PTPRN2: variants seen among roughly 807,000 people sequenced by gnomAD.
PTPRN2 encodes protein tyrosine phosphatase receptor type N2.
Under a neutral mutation model 118.8 loss-of-function variants are expected in PTPRN2, and 74 were observed. That is an observed-to-expected ratio of 0.62 (90% CI 0.52 to 0.76). The LOEUF is 0.76. Ranked by LOEUF, PTPRN2 falls within the 30% of genes least tolerant of loss-of-function variation. PTPRN2 has a pLI of 0.00. For missense variants in PTPRN2, 1,481 were observed against 1,394.4 expected (o/e 1.06, Z -0.99); for synonymous variants, 641 against 608.0 (o/e 1.05, Z -0.80).
intron 1 of PTPRN2, among the ~76,000 whole-genome samples, chr7:158,556,758 A>G (rs1452214613): frequency 7.2e-5 from 7 of 96,948 alleles, no homozygotes; most frequent in Admixed American, 5.3e-4. Flanking sequence ...GCGGCTCCCG[A>G]GCAGGTTGCT....
Position 157,771,826 on chromosome 7 carries a change from AAC to A in PTPRN2, c.1789-88891_1789-88890del, listed in dbSNP as rs767188709. 2.1e-5 allele frequency among the ~76,000 whole-genome samples: 3 copies of A among 141,366 alleles called. No homozygotes were observed. In the South Asian group the frequency reaches 6.5e-4, roughly 31 times the overall value. 92.7% of individuals were successfully genotyped at this position (141,366 alleles called of 152,430 possible). On this transcript the variant is annotated intron_variant, in intron 12 of 22. Coordinates refer to ENST00000389418, the MANE Select transcript of PTPRN2 (RefSeq NM_002847.5). The stretch of plus-strand genomic sequence containing the variant: ...ACAAACACACAGACACAGACACAGA[AAC>A]ACACAGACACAAGACACAAACAGAC...
rs1797593873 is a variant in PTPRN2, at chr7:157,903,619, T to C, written c.1724-4882A>G. On this transcript the variant is annotated intron_variant, in intron 11 of 22. Transcript: ENST00000389418. This position sits in a 1 kb window ranked among gnomAD's most constrained non-coding sequence, Gnocchi z 4.2. ...AAATCAGCGATTGAAGCAAACAACCTGAATTAGTGTTTGGTTTTTTCTTTT... is the reference window on the plus strand; with the variant it reads ...AAATCAGCGATTGAAGCAAACAACCCGAATTAGTGTTTGGTTTTTTCTTTT... 6.6e-6 allele frequency among the ~76,000 whole-genome samples: 1 copy of C among 151,240 alleles called. No homozygotes were observed. The highest frequency in any genetic ancestry group is 6.6e-5 in the Admixed American group (1 of 15,204).
intron 12 of PTPRN2, among the ~76,000 whole-genome samples, chr7:157,875,244 G>A (rs1005079419): frequency 6.6e-6 from 1 of 152,218 alleles, no homozygotes; most frequent in Non-Finnish European, 1.5e-5. Context: ...GGTCCAGACC[G>A]TGCTGTCCTG....
At chr7:158,336,443 C>T (rs1158178922) in intron 2 of PTPRN2, among the ~76,000 whole-genome samples, 1 of 104,458 alleles carries the variant, frequency 9.6e-6, no homozygotes, top group Non-Finnish European at 2.2e-5. Context: ...GTCACTCACA[C>T]CCACACATGT....
intron 2 of PTPRN2, among the ~76,000 whole-genome samples, chr7:158,418,030 G>A (rs1333834442): frequency 2.0e-5 from 3 of 150,490 alleles, no homozygotes; most frequent in African/African-American, 7.4e-5. Context: ...AGCTCTCAGT[G>A]TCCCGCTGTG....
intron 5 of PTPRN2, among the ~76,000 whole-genome samples, chr7:158,185,250 C>A (rs925338643): frequency 6.6e-6 from 1 of 151,896 alleles, no homozygotes; most frequent in African/African-American, 2.4e-5. Flanking sequence ...TTTATTGAGA[C>A]TTATTTTATG....
intron 2 of PTPRN2, among the ~76,000 whole-genome samples, chr7:158,406,527 G>GCCCTGAGATA (rs1813454318): frequency 6.6e-6 from 1 of 152,272 alleles, no homozygotes; most frequent in South Asian, 2.1e-4. Flanking sequence ...CAGGAAGGAA[G>GCCCTGAGATA]AGCTGGTCAT....
chr7:157,748,491 CGGAGTGTCTGGGTG>C (rs1563067871), intron 12 of PTPRN2, among the ~76,000 whole-genome samples: 15 of 62,420 alleles, frequency 2.4e-4, no homozygotes, highest in South Asian at 6.3e-4. Flanking sequence ...CCCTGAGCTG[CGGAGTGTCTGGGTG>C]ATTCTTAGGT....
At chr7:158,395,298 T>TGCGGGGCGAGGCGCGAGGGGCGAGGGGC (rs1812276963) in intron 2 of PTPRN2, among the ~76,000 whole-genome samples, 1 of 19,304 alleles carries the variant, frequency 5.2e-5, no homozygotes, top group Admixed American at 5.2e-4. Context: ...GGGTGAGGGG[T>TGCGGGGCGAGGCGCGAGGGGCGAGGGGC]GAGGGGCGAG....
rs535660122 is a variant in PTPRN2, at chr7:158,506,674, T to C, written c.113-16889A>G. On this transcript the variant is annotated intron_variant, in intron 1 of 22. Coordinates refer to ENST00000389418, the MANE Select transcript of PTPRN2 (RefSeq NM_002847.5). ...GATGATGGTGACAGCCACGGAGGAG[T>C]GTGGCTACTGGCAGGAAGGGCCCCG... Among the ~76,000 whole-genome samples, 1,415 of 150,926 alleles carry C rather than the reference T, an allele frequency of 9.4e-3. 24 individuals carry two copies. Among genetic ancestry groups the C allele is most frequent in the African/African-American group, 0.032 (1,301 of 41,076 alleles).
chr7:157,655,112 A>T (rs545667389), intron 14 of PTPRN2, among the ~76,000 whole-genome samples: 2 of 152,300 alleles, frequency 1.3e-5, no homozygotes, highest in South Asian at 4.1e-4. Flanking sequence ...CTCGGGTTTG[A>T]TTTCTGGCGG....
rs146336615 is a variant in PTPRN2 at position 158,212,449 on chromosome 7, C to T, written c.278-7176G>A. Among the ~76,000 whole-genome samples, 1,355 of 152,178 alleles carry T rather than the reference C, an allele frequency of 8.9e-3. 24 individuals are homozygous for T. Among genetic ancestry groups the T allele is most frequent in the African/African-American group, 0.031 (1,280 of 41,506 alleles). ...GTGATGAACATCCCATTTACCCTGA[C>T]GTGATTATTATGCATTGTATGCCTG... On this transcript the variant is annotated intron_variant, in intron 3 of 22. Transcript: ENST00000389418.
At chr7:158,301,516 T>A (rs1800891300) in intron 3 of PTPRN2, among the ~76,000 whole-genome samples, 1 of 152,210 alleles carries the variant, frequency 6.6e-6, no homozygotes. Flanking sequence ...TACACACCAC[T>A]CCCCAGCTCT....
chr7:158,381,931 C>T (rs573315144), intron 2 of PTPRN2, among the ~76,000 whole-genome samples: 49 of 152,260 alleles, frequency 3.2e-4, no homozygotes, highest in Non-Finnish European at 6.3e-4. Flanking sequence ...GAGAACAGCA[C>T]GAGAAAGACC....
At chr7:158,384,059 C>T (rs930948294) in intron 2 of PTPRN2, among the ~76,000 whole-genome samples, 4 of 152,292 alleles carry the variant, frequency 2.6e-5, no homozygotes, top group East Asian at 1.9e-4. Context: ...AAGCATCCCG[C>T]GCATCCTCTG....
At chr7:158,393,122 C>A (rs144331149) in intron 2 of PTPRN2, among the ~76,000 whole-genome samples, 2 of 152,286 alleles carry the variant, frequency 1.3e-5, no homozygotes, top group Non-Finnish European at 2.9e-5. Flanking sequence ...TCGATGTTGG[C>A]TGGAAAGGAG....
intron 11 of PTPRN2, among the ~76,000 whole-genome samples, chr7:158,026,072 C>T (rs1437686009): frequency 1.3e-5 from 2 of 152,254 alleles, no homozygotes; most frequent in Non-Finnish European, 2.9e-5. Context: ...CGGCCCATGC[C>T]GGGCCCCGTC....
chr7:158,144,294 A>C (rs2150482015), intron 6 of PTPRN2, among the ~76,000 whole-genome samples: 1 of 152,280 alleles, frequency 6.6e-6, no homozygotes, highest in East Asian at 1.9e-4. Context: ...CAGGGTATTC[A>C]ATTCAGAGTG....
At chr7:158,376,320 G>GTGGGGTCAGGGGACTCTCCCACA (rs1810502550) in intron 2 of PTPRN2, among the ~76,000 whole-genome samples, 1 of 81,268 alleles carries the variant, frequency 1.2e-5, no homozygotes, top group African/African-American at 4.8e-5. Context: ...ACTCCCCCAC[G>GTGGGGTCAGGGGACTCTCCCACA]GCCCTGTCAC....
Sources: allele counts gnomAD v4.1 joint callset (sites outside exome capture counted in the v4.1 genomes callset), GRCh38; gene constraint gnomAD v4.1.1; non-coding constraint Gnocchi (gnomAD v3.1); transcripts MANE v1.5; gene names NCBI Gene and HGNC (gene_info 2026-07-23, HGNC 2026-07-21).